The following PRR23E variants were observed in gnomAD, a reference collection of about 807,000 sequenced individuals.
The protein encoded by PRR23E is PRR23 family member E.
chr3:127,193,792 A>G, the PRR23E span, among the ~76,000 whole-genome samples: 2 of 152,258 alleles, frequency 1.3e-5, no homozygotes, highest in East Asian at 1.9e-4. Flanking sequence ...AAAAGCCAGT[A>G]TAGGGCTTTA....
At chr3:127,196,291 G>A in the PRR23E span, among the ~76,000 whole-genome samples, 6 of 152,256 alleles carry the variant, frequency 3.9e-5, no homozygotes, top group African/African-American at 1.4e-4. Context: ...GTCTCCAACA[G>A]ACTTGGCCAT....
the PRR23E span, chr3:127,197,096 C>A: frequency 1.9e-6 from 3 of 1,598,350 alleles, no homozygotes; most frequent in Admixed American, 5.0e-5. Context: ...TCCCACCCAC[C>A]TACTCCTTGG....
chr3:127,196,495 T>C, the PRR23E span: 4 of 894,990 alleles, frequency 4.5e-6, no homozygotes, highest in South Asian at 2.0e-5. Context: ...ATCTTGGCTC[T>C]TCTGTCACCT....
At chr3:127,195,361 G>C in the PRR23E span, among the ~76,000 whole-genome samples, 2 of 152,240 alleles carry the variant, frequency 1.3e-5, no homozygotes, top group African/African-American at 4.8e-5. Flanking sequence ...AAAGCTGGTA[G>C]AGCAGCTTCT....
chr3:127,196,875 T>C, the PRR23E span: 1 of 1,599,482 alleles, frequency 6.3e-7, no homozygotes. Flanking sequence ...CATCTACTCC[T>C]GCATGGGATT....
At chr3:127,196,145 G>A in the PRR23E span, among the ~76,000 whole-genome samples, 2 of 152,166 alleles carry the variant, frequency 1.3e-5, no homozygotes, top group African/African-American at 2.4e-5. Flanking sequence ...CATCTGTCAA[G>A]GATGAAGTGC....
chr3:127,196,516 T>A, the PRR23E span: 1 of 1,020,964 alleles, frequency 9.8e-7, no homozygotes, highest in Non-Finnish European at 1.4e-6. Flanking sequence ...CACCCCCAGC[T>A]GTCCCCCTCC....
the PRR23E span, chr3:127,196,831 C>A: frequency 6.3e-7 from 1 of 1,598,956 alleles, no homozygotes; most frequent in Middle Eastern, 1.7e-4. Flanking sequence ...TGCTTGGGAG[C>A]CCAGCCTGTA....
the PRR23E span, chr3:127,197,306 C>T: frequency 2.5e-6 from 4 of 1,599,026 alleles, no homozygotes; most frequent in Non-Finnish European, 3.4e-6. Context: ...GTTCAGAGCT[C>T]CGCCCTCTGC....
chr3:127,193,361 C>G, the PRR23E span: 4 of 152,314 alleles, frequency 2.6e-5, no homozygotes, highest in Non-Finnish European at 4.4e-5. Context: ...TGACACCATC[C>G]TCTCCGCACT....
At chr3:127,196,459 T>C in the PRR23E span, 1 of 635,064 alleles carries the variant, frequency 1.6e-6, no homozygotes, top group Non-Finnish European at 2.6e-6. Context: ...GACACCTTGC[T>C]CCCCATCCTC....
At chr3:127,196,476 G>A in the PRR23E span, 64 of 720,852 alleles carry the variant, frequency 8.9e-5, no homozygotes, top group Non-Finnish European at 7.4e-5. Flanking sequence ...CCTCCCTGGA[G>A]ATGCCTTGAT....
chr3:127,197,526 T>G, the PRR23E span: 1 of 930,978 alleles, frequency 1.1e-6, no homozygotes, highest in Non-Finnish European at 1.5e-6. Flanking sequence ...TGTTTACTAT[T>G]CTTCAGTACA....
At chr3:127,196,956 T>C in the PRR23E span, 13 of 1,599,428 alleles carry the variant, frequency 8.1e-6, no homozygotes, top group Admixed American at 1.7e-5. Flanking sequence ...CTGGATGGGT[T>C]ATCCCCCTCC....
the PRR23E span, chr3:127,196,923 TG>T: frequency 1.9e-6 from 3 of 1,599,474 alleles, no homozygotes; most frequent in Non-Finnish European, 1.7e-6. Context: ...GGCTTACCCG[TG>T]GGTGCTCTAT....
the PRR23E span, chr3:127,197,499 G>C: frequency 8.1e-7 from 1 of 1,233,404 alleles, no homozygotes; most frequent in South Asian, 1.7e-5. Flanking sequence ...GTTTTTGGAA[G>C]AGTCTCAGAT....
the PRR23E span, chr3:127,197,153 G>GGT: frequency 6.3e-7 from 1 of 1,593,808 alleles, no homozygotes; most frequent in African/African-American, 1.3e-5. Context: ...GTCCCCAGGT[G>GGT]GGATGCTGGA....
chr3:127,194,877 C>G, the PRR23E span, among the ~76,000 whole-genome samples: 2 of 152,204 alleles, frequency 1.3e-5, no homozygotes, highest in Non-Finnish European at 2.9e-5. Flanking sequence ...GGCCTGTCCT[C>G]CACCCCAGGT....
the PRR23E span, among the ~76,000 whole-genome samples, chr3:127,194,186 T>C: frequency 6.6e-6 from 1 of 152,242 alleles, no homozygotes; most frequent in Non-Finnish European, 1.5e-5. Context: ...CTCCACCATA[T>C]TAAGTTTTTG....
Sources: allele counts gnomAD v4.1 joint callset (sites outside exome capture counted in the v4.1 genomes callset), GRCh38; gene constraint gnomAD v4.1.1; transcripts MANE v1.5; gene names NCBI Gene and HGNC (gene_info 2026-07-23, HGNC 2026-07-21).